SMCP: variants seen among roughly 807,000 people sequenced by gnomAD.
SMCP encodes sperm mitochondrial-associated cysteine-rich protein.
For synonymous variants in SMCP, 41 were observed against 46.9 expected (o/e 0.87, Z 0.51); for missense variants, 137 against 137.1 (o/e 1.00, Z 0.01).
In SMCP at chr1:152,884,489, C is replaced by G. The variant is rs1649150654; in HGVS notation, c.67C>G (p.Gln23Glu). The change falls in exon 2 of 2, where the codon CAG becomes GAG. Residue 23 changes from glutamine (Q) to glutamate (E), a missense_variant. Physicochemically the swap from Gln to Glu is conservative, Grantham distance 29. Coordinates refer to ENST00000368765, the MANE Select transcript of SMCP (RefSeq NM_030663.3). Reference protein sequence around the residue: ...AKGNQCCPPQQNQCCQSKGNQ... With the variant: ...AKGNQCCPPQENQCCQSKGNQ... ...AGGCAATCAATGCTGCCCACCACAG[C>G]AGAACCAGTGCTGCCAGTCAAAAGG... 2 of 1,613,884 alleles carry G rather than the reference C, an allele frequency of 1.2e-6. No individual in the cohort carries two copies. Among genetic ancestry groups the G allele is most frequent in the South Asian group, 1.1e-5 (1 of 91,066 alleles).
At chr1:152,883,863 C>A (rs1557858227) in intron 1 of SMCP, among the ~76,000 whole-genome samples, 2 of 152,208 alleles carry the variant, frequency 1.3e-5, no homozygotes, top group Admixed American at 6.5e-5. Flanking sequence ...GTTGGTCACT[C>A]TAAGTGCAAG....
chr1:152,883,963 T>C (rs1339673975), intron 1 of SMCP, among the ~76,000 whole-genome samples: 1 of 152,174 alleles, frequency 6.6e-6, no homozygotes, highest in Non-Finnish European at 1.5e-5. Context: ...CTTGAATCAC[T>C]TACAAGCAAC....
Position 152,884,942 on chromosome 1 carries a change from C to G in SMCP, c.*169C>G. On this transcript the variant is annotated 3_prime_UTR_variant, in exon 2 of 2. Coordinates refer to ENST00000368765, the MANE Select transcript of SMCP (RefSeq NM_030663.3). ...CCTATTTCCCATCATAGCTCCCTAC[C>G]CTAGGGAGGCCTCCATCTGGAAATG... The G allele has an allele frequency of 3.2e-6, 2 of 628,306 alleles. No individual in the cohort carries two copies. The highest frequency in any genetic ancestry group is 2.2e-5 in the South Asian group (1 of 45,750). The allele number at this position is 628,306 out of a possible 1,614,324, so 38.9% of individuals were successfully genotyped here. A position where few individuals can be genotyped will look rare whatever the true frequency, so the allele number is the denominator to read the frequency against.
rs762277141 is a variant in SMCP at position 152,884,794 on chromosome 1, A to T, written c.*21A>T. On this transcript the variant is annotated 3_prime_UTR_variant, in exon 2 of 2. Transcript: ENST00000368765. ...AATGAGAGCAGAAGAAGTCAAACAA[A>T]GAAGAAGTCCCTGGGGCCATGCCTT... The T allele has an allele frequency of 1.2e-5, 20 of 1,600,714 alleles. No homozygotes were observed. The highest frequency in any genetic ancestry group is 4.0e-5 in the African/African-American group (3 of 74,430).
chr1:152,883,928 T>A (rs1482174373), intron 1 of SMCP, among the ~76,000 whole-genome samples: 1 of 152,194 alleles, frequency 6.6e-6, no homozygotes, highest in Non-Finnish European at 1.5e-5. Flanking sequence ...AACAAGCACA[T>A]GCTCTGGAGT....
At chr1:152,880,952 G>A (rs988768706) in intron 1 of SMCP, among the ~76,000 whole-genome samples, 2 of 2,708 alleles carry the variant, frequency 7.4e-4, no homozygotes, top group African/African-American at 1.5e-3. Flanking sequence ...AAACATAGGG[G>A]TCCTTATAAG....
chr1:152,882,828 G>A (rs192014340), intron 1 of SMCP, among the ~76,000 whole-genome samples: 1 of 152,342 alleles, frequency 6.6e-6, no homozygotes, highest in Non-Finnish European at 1.5e-5. Flanking sequence ...CAGATCACCA[G>A]AGGTCAGGAG....
intron 1 of SMCP, among the ~76,000 whole-genome samples, chr1:152,882,427 G>A (rs139447243): frequency 6.6e-6 from 1 of 152,306 alleles, no homozygotes; most frequent in African/African-American, 2.4e-5. Flanking sequence ...GAAGCAGCCT[G>A]ACAGCAGGTC....
In SMCP at chr1:152,884,941, C is replaced by T. The variant is rs539639532; in HGVS notation, c.*168C>T. ...TCCTATTTCCCATCATAGCTCCCTA[C>T]CCTAGGGAGGCCTCCATCTGGAAAT... On this transcript the variant is annotated 3_prime_UTR_variant, in exon 2 of 2. Coordinates refer to ENST00000368765, the MANE Select transcript of SMCP (RefSeq NM_030663.3). The T allele has an allele frequency of 1.6e-6, 1 of 637,376 alleles. No homozygotes were observed. The highest frequency in any genetic ancestry group is 3.0e-5 in the Admixed American group (1 of 33,454). 39.5% of individuals were successfully genotyped at this position (637,376 alleles called of 1,614,324 possible). A position where few individuals can be genotyped will look rare whatever the true frequency, so the allele number is the denominator to read the frequency against.
At chr1:152,878,666 T>G (rs977947854) in intron 1 of SMCP, among the ~76,000 whole-genome samples, 1 of 152,176 alleles carries the variant, frequency 6.6e-6, no homozygotes, top group African/African-American at 2.4e-5. Flanking sequence ...AGAATGCCTG[T>G]GTTTATGGAA....
chr1:152,882,710 C>G (rs1327155418), intron 1 of SMCP, among the ~76,000 whole-genome samples: 1 of 152,152 alleles, frequency 6.6e-6, no homozygotes, highest in Admixed American at 6.5e-5. Flanking sequence ...CATGTGTGTG[C>G]TTAGTGGAAA....
intron 1 of SMCP, among the ~76,000 whole-genome samples, chr1:152,881,579 T>G (rs1303310751): frequency 2.0e-5 from 3 of 150,482 alleles, no homozygotes; most frequent in Non-Finnish European, 4.4e-5. Flanking sequence ...TCCCAGCTAC[T>G]CGGGAGGCTG....
intron 1 of SMCP, among the ~76,000 whole-genome samples, chr1:152,882,595 C>T (rs1649087487): frequency 6.6e-6 from 1 of 152,180 alleles, no homozygotes; most frequent in African/African-American, 2.4e-5. Context: ...TCATCACAAA[C>T]CTCAAGTTCT....
At chr1:152,882,527 G>A (rs1385292764) in intron 1 of SMCP, among the ~76,000 whole-genome samples, 1 of 152,122 alleles carries the variant, frequency 6.6e-6, no homozygotes, top group Non-Finnish European at 1.5e-5. Context: ...ATTCACACTG[G>A]CTCTAACTGT....
rs576901296 is a variant in SMCP, at chr1:152,882,681, A to T, written c.-20-1722A>T. On this transcript the variant is annotated intron_variant, in intron 1 of 1. Coordinates refer to ENST00000368765, the MANE Select transcript of SMCP (RefSeq NM_030663.3). The stretch of plus-strand genomic sequence containing the variant: ...GGTGCACACACACACACACACACAC[A>T]CTCTCACAGAGATATGGGCATGTGT... 1.6e-4 allele frequency among the ~76,000 whole-genome samples: 25 copies of T among 151,718 alleles called. 1 individual carries two copies. Among genetic ancestry groups the T allele is most frequent in the South Asian group, 1.5e-3 (7 of 4,806 alleles).
intron 1 of SMCP, among the ~76,000 whole-genome samples, chr1:152,880,794 G>C (rs778755537): frequency 9.9e-5 from 15 of 151,968 alleles, no homozygotes; most frequent in Non-Finnish European, 2.1e-4. Context: ...CCCTTTTTAG[G>C]TGGGAACTGC....
chr1:152,878,997 G>A (rs1374458907), intron 1 of SMCP, among the ~76,000 whole-genome samples: 1 of 152,180 alleles, frequency 6.6e-6, no homozygotes, highest in Non-Finnish European at 1.5e-5. Flanking sequence ...ATGAGGCTGG[G>A]CCTGTGGGCA....
At chr1:152,883,359 A>G (rs947773219) in intron 1 of SMCP, among the ~76,000 whole-genome samples, 3 of 152,164 alleles carry the variant, frequency 2.0e-5, no homozygotes, top group African/African-American at 7.2e-5. Flanking sequence ...TAGACCCTCT[A>G]TTCTGCTCTG....
intron 1 of SMCP, among the ~76,000 whole-genome samples, chr1:152,883,301 G>T (rs1243939508): frequency 1.3e-5 from 2 of 152,196 alleles, no homozygotes; most frequent in Non-Finnish European, 2.9e-5. Flanking sequence ...TTTCCTTGAG[G>T]AGGCTAGATA....
Sources: gnomAD v4.1 joint callset for allele counts (sites outside exome capture counted in the v4.1 genomes callset) on GRCh38, gnomAD v4.1.1 for gene constraint, MANE v1.5 for transcripts, NCBI Gene and HGNC (gene_info 2026-07-23, HGNC 2026-07-21) for gene names.